CNTNAP2: variants seen among roughly 807,000 people sequenced by gnomAD.
CNTNAP2 encodes contactin-associated protein-like 2.
A neutral mutation model predicts 155.2 loss-of-function variants in CNTNAP2; 98 were observed. The ratio of observed to expected loss-of-function variants is 0.63; its 90% CI spans 0.54 to 0.75. The LOEUF (loss-of-function observed/expected upper bound fraction) is 0.75, where lower values mean the gene tolerates loss of function less well. Ranked by LOEUF, CNTNAP2 falls within the 30% of genes least tolerant of loss-of-function variation. CNTNAP2 has a pLI of 0.00. For synonymous variants in CNTNAP2, 651 were observed against 631.2 expected, an observed-to-expected ratio of 1.03 and a Z score of -0.47; for missense variants, 1,727 against 1,688.1, an observed-to-expected ratio of 1.02 and a Z score of -0.40.
chr7:148,288,968 A>AG (rs1443048437), intron 21 of CNTNAP2, among the ~76,000 whole-genome samples: 13 of 133,284 alleles, frequency 9.8e-5, no homozygotes, highest in African/African-American at 3.4e-4. Flanking sequence ...AAAAAAAAAA[A>AG]AGAGAGAAAA....
chr7:147,287,124 T>C (rs1324104199), intron 8 of CNTNAP2, among the ~76,000 whole-genome samples: 1 of 152,064 alleles, frequency 6.6e-6, no homozygotes, highest in African/African-American at 2.4e-5. Context: ...ACTTCAAATA[T>C]AGCACGGGCA....
intron 3 of CNTNAP2, among the ~76,000 whole-genome samples, chr7:146,886,601 T>A (rs1795667916): frequency 6.6e-6 from 1 of 152,004 alleles, no homozygotes; most frequent in South Asian, 2.1e-4. Context: ...TTTAAAAATG[T>A]TAATTGATGA....
At chr7:146,629,506 G>T (rs933204068) in intron 1 of CNTNAP2, among the ~76,000 whole-genome samples, 7 of 152,032 alleles carry the variant, frequency 4.6e-5, no homozygotes, top group Admixed American at 6.6e-5. Flanking sequence ...AACAATATTT[G>T]TTATTGCCAC....
intron 13 of CNTNAP2, among the ~76,000 whole-genome samples, chr7:147,662,852 A>G (rs1447907980): frequency 3.9e-5 from 6 of 152,218 alleles, no homozygotes. Context: ...AAGCCGACAG[A>G]CTACATTGAT....
intron 1 of CNTNAP2, among the ~76,000 whole-genome samples, chr7:146,343,983 T>TACATATC (rs1794774975): frequency 6.6e-6 from 1 of 152,042 alleles, no homozygotes; most frequent in African/African-American, 2.4e-5. Flanking sequence ...TTTCAAAATA[T>TACATATC]CATATTTGTG....
At chr7:147,283,469 C>G (rs978893217) in intron 8 of CNTNAP2, among the ~76,000 whole-genome samples, 2 of 151,664 alleles carry the variant, frequency 1.3e-5, no homozygotes, top group African/African-American at 4.8e-5. Flanking sequence ...CAATACGCAG[C>G]AAGTAGCTAC....
intron 13 of CNTNAP2, among the ~76,000 whole-genome samples, chr7:147,750,280 A>C (rs547745119): frequency 2.2e-4 from 33 of 152,232 alleles, no homozygotes; most frequent in Non-Finnish European, 4.4e-4. Context: ...TGTTGATGTG[A>C]ACAAGCTATC....
intron 19 of CNTNAP2, among the ~76,000 whole-genome samples, chr7:148,219,700 T>C (rs1446728688): frequency 6.6e-6 from 1 of 151,990 alleles, no homozygotes; most frequent in Non-Finnish European, 1.5e-5. Flanking sequence ...CTGGGCATGG[T>C]GAGGCACACC....
chr7:146,498,394 C>G (rs1033969624), intron 1 of CNTNAP2, among the ~76,000 whole-genome samples: 4 of 152,104 alleles, frequency 2.6e-5, no homozygotes, highest in African/African-American at 7.2e-5. Flanking sequence ...ACAGAGCACT[C>G]CATTTTTAGC....
chr7:148,383,653 A>T lies in CNTNAP2; in HGVS notation c.3480A>T (p.Thr1160=). 4 of 1,614,192 alleles carry T rather than the reference A, an allele frequency of 2.5e-6. No homozygotes were observed. Among genetic ancestry groups the T allele is most frequent in the Non-Finnish European group, 3.4e-6 (4 of 1,180,018 alleles). Residue 1160 remains threonine, a synonymous_variant, in exon 22 of 24, where the codon ACA becomes ACT. Transcript: ENST00000361727. ...TCATTTCTTTTTTTCTTTTAGAAAC[A>T]GGGAAAATTGACCAAGAGATTCACA... is the stretch of plus-strand genomic sequence containing the variant. ...KSLFLGKVIE[T]GKIDQEIHKY...
chr7:146,957,688 T>C (rs1055963161), intron 3 of CNTNAP2, among the ~76,000 whole-genome samples: 4 of 152,138 alleles, frequency 2.6e-5, no homozygotes, highest in Admixed American at 6.6e-5. Flanking sequence ...TGAAAAAGAA[T>C]TGGAGCCCGT....
At chr7:147,144,704 G>T (rs1280219390) in intron 8 of CNTNAP2, among the ~76,000 whole-genome samples, 1 of 152,084 alleles carries the variant, frequency 6.6e-6, no homozygotes, top group African/African-American at 2.4e-5. Flanking sequence ...AGAAAAAGAG[G>T]GTGTTCTATA....
At chr7:146,877,381 T>TG (rs1481505682) in intron 3 of CNTNAP2, among the ~76,000 whole-genome samples, 1 of 151,906 alleles carries the variant, frequency 6.6e-6, no homozygotes, top group African/African-American at 2.4e-5. Context: ...GCCATGTGCC[T>TG]GCAGTCTTAT....
intron 1 of CNTNAP2, among the ~76,000 whole-genome samples, chr7:146,437,914 T>G (rs566060843): frequency 6.6e-6 from 1 of 151,348 alleles, no homozygotes; most frequent in Non-Finnish European, 1.5e-5. Context: ...TCCCCTTTCT[T>G]ACCGGAGTAA....
chr7:146,585,101 G>GTGTTTTGTTTTGTTT lies in CNTNAP2; in HGVS notation c.98-189143_98-189129dup, dbSNP rs10677797. 9.1e-4 allele frequency among the ~76,000 whole-genome samples: 134 copies of GTGTTTTGTTTTGTTT among 147,968 alleles called. 1 individual carries two copies. Among genetic ancestry groups the GTGTTTTGTTTTGTTT allele is most frequent in the African/African-American group, 2.6e-3 (106 of 40,020 alleles). ...TATTGGCCCAAAGTTGAGTATCTTG[G>GTGTTTTGTTTTGTTT]TGTTTTGTTTTGTTTTGTTTTGTTT... On this transcript the variant is annotated intron_variant, in intron 1 of 23. Coordinates refer to ENST00000361727, the MANE Select transcript of CNTNAP2 (RefSeq NM_014141.6).
At chr7:147,264,588 G>A (rs895516155) in intron 8 of CNTNAP2, among the ~76,000 whole-genome samples, 2 of 150,480 alleles carry the variant, frequency 1.3e-5, no homozygotes, top group African/African-American at 4.9e-5. Context: ...GCTGCTCCAG[G>A]CTAGCCTCGT....
chr7:146,970,717 AC>A (rs1797770808), intron 3 of CNTNAP2, among the ~76,000 whole-genome samples: 1 of 152,172 alleles, frequency 6.6e-6, no homozygotes, highest in Non-Finnish European at 1.5e-5. Flanking sequence ...CTGGGTATAT[AC>A]CCAAAGGACT....
chr7:146,173,253 A>G (rs1010610558), intron 1 of CNTNAP2, among the ~76,000 whole-genome samples: 8 of 152,080 alleles, frequency 5.3e-5, no homozygotes, highest in African/African-American at 1.9e-4. Context: ...GTAAATTTAC[A>G]TTTTTATCTA....
intron 15 of CNTNAP2, among the ~76,000 whole-genome samples, chr7:148,049,740 C>T (rs1437595854): frequency 6.6e-6 from 1 of 152,152 alleles, no homozygotes; most frequent in African/African-American, 2.4e-5. Flanking sequence ...AGAAGTGTAG[C>T]TTATACAATT....
Sources: gnomAD v4.1 joint callset for allele counts (sites outside exome capture counted in the v4.1 genomes callset) on GRCh38, gnomAD v4.1.1 for gene constraint, MANE v1.5 for transcripts, NCBI Gene and HGNC (gene_info 2026-07-23, HGNC 2026-07-21) for gene names.